Variants in CORO7 observed in about 807,000 individuals in gnomAD.
CORO7 encodes the protein coronin-7.
CORO7 carries 107 observed loss-of-function variants against 126.6 expected under a neutral mutation model. The observed-to-expected ratio is 0.85, with a 90% CI of 0.72 to 0.99. CORO7 has a LOEUF of 0.99. Ranked by LOEUF, CORO7 falls within the 50% of genes least tolerant of loss-of-function variation. CORO7 has a pLI of 0.00. For synonymous variants in CORO7, 603 were observed against 536.8 expected, an observed-to-expected ratio of 1.12 and a Z score of -1.70; for missense variants, 1,314 against 1,255.8, an observed-to-expected ratio of 1.05 and a Z score of -0.70.
chr16:4,398,744 C>T (rs541978661), intron 6 of CORO7, among the ~76,000 whole-genome samples: 82 of 151,528 alleles, frequency 5.4e-4, no homozygotes, highest in African/African-American at 1.9e-3. Context: ...CCAAGGCGGG[C>T]GGATCACAAG....
At chr16:4,372,139 C>T (rs2054556709) in intron 9 of CORO7, 1 of 151,834 alleles carries the variant, frequency 6.6e-6, no homozygotes, top group Non-Finnish European at 1.5e-5. Context: ...ACCTGGGCCG[C>T]CCGGCGGGCA....
intron 6 of CORO7, among the ~76,000 whole-genome samples, chr16:4,398,441 GA>G (rs2055679268): frequency 6.6e-6 from 1 of 151,798 alleles, no homozygotes; most frequent in Non-Finnish European, 1.5e-5. Flanking sequence ...AGGCTGGGGG[GA>G]ATCACTTGCG....
chr16:4,392,262 C>T (rs879479185), intron 7 of CORO7, among the ~76,000 whole-genome samples: 30 of 152,052 alleles, frequency 2.0e-4, no homozygotes, highest in Admixed American at 8.5e-4. Flanking sequence ...AGGGAAGGGG[C>T]GGCAGTGGGG....
At position 4,365,475 on chromosome 16, in the gene CORO7, C is replaced by T; in HGVS notation, c.840+16G>A. 1.3e-6 allele frequency: 2 copies of T among 1,544,052 alleles called. No individual in the cohort carries two copies. Among genetic ancestry groups the T allele is most frequent in the East Asian group, 4.9e-5 (2 of 40,874 alleles). On this transcript the variant is annotated intron_variant, in intron 10 of 27. Coordinates refer to ENST00000251166, the MANE Select transcript of CORO7 (RefSeq NM_024535.5). ...CAGGCTGTGGATGTGGGTGGGAGCCCCAGCTTCTCACTCACCTTTCCTGCC... is the reference window on the plus strand; with the variant it reads ...CAGGCTGTGGATGTGGGTGGGAGCCTCAGCTTCTCACTCACCTTTCCTGCC...
intron 9 of CORO7, chr16:4,380,748 C>A: frequency 8.7e-7 from 1 of 1,152,854 alleles, no homozygotes; most frequent in Non-Finnish European, 1.2e-6. Context: ...TGACTCATAA[C>A]CATTGGGTTC....
intron 9 of CORO7, among the ~76,000 whole-genome samples, chr16:4,384,967 G>A (rs1356211887): frequency 6.6e-6 from 1 of 152,194 alleles, no homozygotes; most frequent in African/African-American, 2.4e-5. Flanking sequence ...TGGTGGCAGG[G>A]GGCAGTGGCG....
Position 4,361,364 on chromosome 16 carries a change from C to G in CORO7, c.1684G>C (p.Val562Leu). The G allele has an allele frequency of 6.2e-7, 1 of 1,612,170 alleles. No homozygotes were observed. The highest frequency in any genetic ancestry group is 2.2e-5 in the East Asian group (1 of 44,864). Residue 562 changes from valine to leucine, a missense_variant, in exon 17 of 28, where the codon GTG becomes CTG. Transcript: ENST00000251166. ...WDPFDPHRLA[V>L]AGEDARIRLW... Reference sequence around the variant, plus strand: ...CCCAGGCACCCAGCCTCCTTACCCACAGCGAGGCGATGGGGGTCAAAGGGG... The same window carrying G: ...CCCAGGCACCCAGCCTCCTTACCCAGAGCGAGGCGATGGGGGTCAAAGGGG...
intron 9 of CORO7, among the ~76,000 whole-genome samples, chr16:4,369,399 T>C (rs1046531183): frequency 2.0e-5 from 3 of 152,220 alleles, no homozygotes; most frequent in Admixed American, 6.5e-5. Context: ...GTAAGAGGTA[T>C]TGCCGGCACC....
intron 6 of CORO7, among the ~76,000 whole-genome samples, chr16:4,401,209 G>A (rs997218940): frequency 3.3e-5 from 5 of 152,202 alleles, no homozygotes; most frequent in Non-Finnish European, 7.3e-5. Context: ...AAAGGCATTC[G>A]AGGAAGGTAA....
intron 1 of CORO7, among the ~76,000 whole-genome samples, chr16:4,416,197 G>A (rs1312333375): frequency 1.3e-5 from 2 of 152,164 alleles, no homozygotes; most frequent in East Asian, 3.9e-4. Context: ...CGCCTCGGGG[G>A]TCCCGGGGCG....
rs931932531 is a variant in CORO7, at chr16:4,359,363, T to A, written c.2273A>T (p.Tyr758Phe). Residue 758 changes from tyrosine to phenylalanine, a missense_variant, in exon 23 of 28, where the codon TAC (tyrosine) becomes TTC (phenylalanine). Transcript: ENST00000251166. ...TGKGDTRVFL[Y>F]ELLPESPFFL... ...GAAAGGGGACTCGGGGAGCAGCTCG[T>A]ACAGGAATACACGGGTGTCGCCCTG... The A allele has an allele frequency of 1.1e-5, 18 of 1,613,490 alleles. 1 individual carries two copies. The highest frequency in any genetic ancestry group is 1.5e-5 in the Non-Finnish European group (18 of 1,179,936).
intron 6 of CORO7, among the ~76,000 whole-genome samples, chr16:4,395,680 A>G (rs1184965047): frequency 6.6e-6 from 1 of 152,196 alleles, no homozygotes; most frequent in Non-Finnish European, 1.5e-5. Context: ...TACTATCACC[A>G]TGATCCCTCA....
Position 4,359,322 on chromosome 16 carries a change from T to C in CORO7, c.2314A>G (p.Ser772Gly), listed in dbSNP as rs765254955. 1.9e-6 allele frequency: 3 copies of C among 1,611,594 alleles called. No individual in the cohort carries two copies. Among genetic ancestry groups the C allele is most frequent in the African/African-American group, 1.3e-5 (1 of 75,042 alleles). Reference sequence around the variant, plus strand: ...TTGTGGGGGTCAGGCGACGTGAAGCTGTTGCACTCCAGGAAGAAAGGGGAC... The same window carrying C: ...TTGTGGGGGTCAGGCGACGTGAAGCCGTTGCACTCCAGGAAGAAAGGGGAC... ...PESPFFLECN[S>G]FTSPDPHKGL... The change falls in exon 23 of 28, where the codon AGC (serine) becomes GGC (glycine). Residue 772 changes from serine (S) to glycine (G), a missense_variant. Coordinates refer to ENST00000251166, the MANE Select transcript of CORO7 (RefSeq NM_024535.5).
chr16:4,362,599 C>T lies in CORO7; in HGVS notation c.1402+13G>A. 6.5e-7 allele frequency: 1 copy of T among 1,549,870 alleles called. No homozygotes were observed. Among genetic ancestry groups the T allele is most frequent in the Non-Finnish European group, 8.7e-7 (1 of 1,151,088 alleles). On this transcript the variant is annotated intron_variant, in intron 15 of 27. Coordinates refer to ENST00000251166, the MANE Select transcript of CORO7 (RefSeq NM_024535.5). This position sits in a 1 kb window ranked among gnomAD's most constrained non-coding sequence, Gnocchi z 5.3. ...CCTGCGGTAGGGGTGAGCTCCCCGT[C>T]CTGCCTCCTTACCCAGCAGGCTCTG...
rs995873645 is a variant in CORO7 at position 4,412,343 on chromosome 16, G to C, written c.232+13C>G. Reference sequence around the variant, plus strand: ...AGTTTCAGGCTTCACCCACTAGTCAGACACCCACTCACCTGAATGGCAGCC... The same window carrying C: ...AGTTTCAGGCTTCACCCACTAGTCACACACCCACTCACCTGAATGGCAGCC... On this transcript the variant is annotated intron_variant, in intron 3 of 27. Transcript: ENST00000251166. 3.7e-6 allele frequency: 6 copies of C among 1,614,060 alleles called. No individual in the cohort carries two copies. Among genetic ancestry groups the C allele is most frequent in the Non-Finnish European group, 5.1e-6 (6 of 1,179,960 alleles).
At chr16:4,365,203 G>C in intron 10 of CORO7, 143 bp from the exon 11 acceptor site, 1 of 1,358,376 alleles carries the variant, frequency 7.4e-7, no homozygotes, top group African/African-American at 1.4e-5. Context: ...AACATGCTGG[G>C]CGCTGAGCTG....
At chr16:4,399,899 A>T (rs1324493888) in intron 6 of CORO7, among the ~76,000 whole-genome samples, 1 of 152,218 alleles carries the variant, frequency 6.6e-6, no homozygotes, top group Non-Finnish European at 1.5e-5. Context: ...ATTTAAAAAA[A>T]TAGCTATTAG....
intron 6 of CORO7, among the ~76,000 whole-genome samples, chr16:4,401,833 C>T (rs987338308): frequency 6.2e-4 from 95 of 152,042 alleles, no homozygotes; most frequent in African/African-American, 2.2e-3. Flanking sequence ...ACCGACAGCC[C>T]GAGTCCAGAT....
chr16:4,384,156 G>A (rs2055108126), intron 9 of CORO7, among the ~76,000 whole-genome samples: 1 of 152,242 alleles, frequency 6.6e-6, no homozygotes, highest in South Asian at 2.1e-4. Context: ...CCGAGCCCCA[G>A]TGAGCAGGAC....
Sources: allele counts gnomAD v4.1 joint callset (sites outside exome capture counted in the v4.1 genomes callset), GRCh38; gene constraint gnomAD v4.1.1; non-coding constraint Gnocchi (gnomAD v3.1); transcripts MANE v1.5; gene names NCBI Gene and HGNC (gene_info 2026-07-23, HGNC 2026-07-21).